Variants in CDK14 observed in about 807,000 individuals in gnomAD.
CDK14 encodes the protein cyclin-dependent kinase 14.
Under a neutral mutation model 60.7 loss-of-function variants are expected in CDK14, and 34 were observed. The ratio of observed to expected loss-of-function variants is 0.56; its 90% confidence interval spans 0.43 to 0.75. The LOEUF is 0.75. Among genes scored for constraint, CDK14 ranks in the 30% least tolerant of loss-of-function variants. The probability of loss-of-function intolerance (pLI) is 0.00; values close to 1 mark genes in which losing one functional copy is unlikely to be tolerated. For missense variants in CDK14, 482 were observed against 564.1 expected, an observed-to-expected ratio of 0.85 and a Z score of 1.47; for synonymous variants, 197 against 203.7, an observed-to-expected ratio of 0.97 and a Z score of 0.28.
chr7:91,161,795 T>C (rs1282141336), intron 14 of CDK14, among the ~76,000 whole-genome samples: 1 of 152,242 alleles, frequency 6.6e-6, no homozygotes, highest in Non-Finnish European at 1.5e-5. Context: ...AGCTATAAGA[T>C]ACTGCTAAAT....
intron 12 of CDK14, among the ~76,000 whole-genome samples, chr7:91,092,792 T>C (rs540047276): frequency 1.3e-5 from 2 of 152,164 alleles, no homozygotes; most frequent in Admixed American, 1.3e-4. Flanking sequence ...CCTCATAACA[T>C]AGAGTTGAAA....
chr7:90,827,007 T>C (rs905691883), intron 5 of CDK14, among the ~76,000 whole-genome samples: 2 of 152,236 alleles, frequency 1.3e-5, no homozygotes, highest in Admixed American at 1.3e-4. Context: ...TGCAGATATA[T>C]AATATCTGCA....
intron 8 of CDK14, among the ~76,000 whole-genome samples, chr7:90,934,029 G>T (rs996914253): frequency 1.3e-5 from 2 of 152,236 alleles, no homozygotes; most frequent in African/African-American, 4.8e-5. Flanking sequence ...TAGCCTGCAG[G>T]CTGTGCTAGG....
intron 2 of CDK14, among the ~76,000 whole-genome samples, chr7:90,705,496 T>G (rs904480209): frequency 6.6e-6 from 1 of 151,942 alleles, no homozygotes; most frequent in African/African-American, 2.4e-5. Flanking sequence ...CTGAGATAGC[T>G]CCACGAAGGC....
intron 2 of CDK14, among the ~76,000 whole-genome samples, chr7:90,691,762 G>A (rs1432979488): frequency 2.0e-5 from 3 of 152,124 alleles, no homozygotes; most frequent in Admixed American, 6.6e-5. Context: ...ATCCAACTAC[G>A]GTGGCTGCAC....
chr7:90,824,373 GC>G (rs1294031241), intron 5 of CDK14, among the ~76,000 whole-genome samples: 1 of 152,142 alleles, frequency 6.6e-6, no homozygotes, highest in Non-Finnish European at 1.5e-5. Context: ...GTGTCCAAAA[GC>G]CCTTGTAGCC....
chr7:90,658,538 G>T (rs553389378), intron 2 of CDK14, among the ~76,000 whole-genome samples: 1 of 152,216 alleles, frequency 6.6e-6, no homozygotes, highest in Admixed American at 6.5e-5. Context: ...GAGCATAAAT[G>T]TTCAGATCTT....
rs992580784 is a variant in CDK14 at position 90,832,463 on chromosome 7, T to C, written c.545-30712T>C. On this transcript the variant is annotated intron_variant, in intron 5 of 14. Coordinates refer to ENST00000380050, the MANE Select transcript of CDK14 (RefSeq NM_001287135.2). ...GGCTTCCTAAAGTAGCTTGTCATTT[T>C]CAGCATGGAATTTACATTAGACAAT... Among the ~76,000 whole-genome samples, 11 of 152,218 alleles carry C rather than the reference T, an allele frequency of 7.2e-5. 1 individual carries two copies. Among genetic ancestry groups the C allele is most frequent in the African/African-American group, 2.7e-4 (11 of 41,468 alleles).
At chr7:90,888,399 C>T (rs906609090) in intron 6 of CDK14, among the ~76,000 whole-genome samples, 5 of 152,068 alleles carry the variant, frequency 3.3e-5, no homozygotes, top group South Asian at 4.1e-4. Context: ...CATTACAATA[C>T]GGTTCAGTTT....
At chr7:91,160,614 G>A (rs1039320813) in intron 14 of CDK14, among the ~76,000 whole-genome samples, 2 of 151,926 alleles carry the variant, frequency 1.3e-5, no homozygotes, top group African/African-American at 4.8e-5. Flanking sequence ...GTTATCTATT[G>A]ATTTTACTTG....
At chr7:90,758,597 T>G (rs2116851224) in intron 4 of CDK14, among the ~76,000 whole-genome samples, 1 of 152,358 alleles carries the variant, frequency 6.6e-6, no homozygotes, top group Non-Finnish European at 1.5e-5. Flanking sequence ...ATTCATTGTA[T>G]TGTTTATAAT....
At chr7:91,007,640 C>A (rs1455039481) in intron 10 of CDK14, among the ~76,000 whole-genome samples, 1 of 152,152 alleles carries the variant, frequency 6.6e-6, no homozygotes, top group East Asian at 1.9e-4. Context: ...TGTTATTTTT[C>A]CTTTTTCCCA....
At chr7:90,807,425 C>G (rs1457107794) in intron 5 of CDK14, among the ~76,000 whole-genome samples, 2 of 152,144 alleles carry the variant, frequency 1.3e-5, no homozygotes, top group Non-Finnish European at 2.9e-5. Context: ...AGAAGGAAAA[C>G]TAACAAACAG....
chr7:90,946,704 A>T (rs770825573), intron 8 of CDK14, among the ~76,000 whole-genome samples: 9 of 152,198 alleles, frequency 5.9e-5, no homozygotes, highest in Non-Finnish European at 1.0e-4. Flanking sequence ...ATTTCAGAAG[A>T]GCCTTTTATT....
intron 11 of CDK14, among the ~76,000 whole-genome samples, chr7:91,047,462 T>C (rs1162224902): frequency 6.6e-6 from 1 of 152,220 alleles, no homozygotes; most frequent in African/African-American, 2.4e-5. Flanking sequence ...AGCTAACAGA[T>C]TGTGAACTTC....
chr7:91,157,223 T>C (rs1260070695), intron 14 of CDK14, among the ~76,000 whole-genome samples: 1 of 152,198 alleles, frequency 6.6e-6, no homozygotes, highest in African/African-American at 2.4e-5. Flanking sequence ...CCTTAGATTT[T>C]GGAACATGAG....
At chr7:90,857,620 T>A (rs1463769527) in intron 5 of CDK14, among the ~76,000 whole-genome samples, 1 of 152,228 alleles carries the variant, frequency 6.6e-6, no homozygotes, top group Non-Finnish European at 1.5e-5. Context: ...TACAGGATTT[T>A]TGTAGATAAA....
At position 90,649,394 on chromosome 7, in the gene CDK14, CTTCT is replaced by C. The variant is rs1226736024; in HGVS notation, c.123+45169_123+45172del. Among the ~76,000 whole-genome samples the C allele has an allele frequency of 9.2e-3, 274 of 29,770 alleles. 22 individuals are homozygous for C. Among genetic ancestry groups the C allele is most frequent in the Middle Eastern group, 0.032 (2 of 62 alleles). The allele number at this position is 29,770 out of a possible 152,430, so 19.5% of individuals were successfully genotyped here. On this transcript the variant is annotated intron_variant, in intron 2 of 14. Transcript: ENST00000380050. ...CCTTCCTTCCTTCCTTCCTTCCTTC[CTTCT>C]TTCTTTCTTTCTTTCTTTCTTTCCT...
At chr7:90,968,548 A>G (rs1794823386) in intron 9 of CDK14, among the ~76,000 whole-genome samples, 1 of 152,112 alleles carries the variant, frequency 6.6e-6, no homozygotes, top group South Asian at 2.1e-4. Context: ...GGATGTTTAT[A>G]TAATTGAATT....
Sources: allele counts gnomAD v4.1 joint callset (sites outside exome capture counted in the v4.1 genomes callset), GRCh38; gene constraint gnomAD v4.1.1; transcripts MANE v1.5; gene names NCBI Gene and HGNC (gene_info 2026-07-23, HGNC 2026-07-21).